The following SCAF4 variants were observed in gnomAD, a reference collection of about 807,000 sequenced individuals.
SCAF4 encodes the protein SR-related and CTD-associated factor 4.
SCAF4 carries 25 observed loss-of-function variants against 129.8 expected under a neutral mutation model. The observed-to-expected ratio is 0.19, with a 90% CI of 0.14 to 0.27. The LOEUF is 0.27. Ranked by LOEUF, SCAF4 falls within the 10% of genes least tolerant of loss-of-function variation. The pLI is 1.00. For synonymous variants in SCAF4, 551 were observed against 497.7 expected, an observed-to-expected ratio of 1.11 and a Z score of -1.43; for missense variants, 1,246 against 1,457.1, an observed-to-expected ratio of 0.86 and a Z score of 2.36.
intron 14 of SCAF4, among the ~76,000 whole-genome samples, chr21:31,691,420 T>C (rs2050256748): frequency 6.6e-6 from 1 of 152,182 alleles, no homozygotes; most frequent in Admixed American, 6.5e-5. Context: ...AATACCCATA[T>C]ACCTATATGT....
Position 31,690,761 on chromosome 21 carries a change from T to G in SCAF4, c.1885+36A>C, listed in dbSNP as rs369611518. 2.5e-6 allele frequency: 4 copies of G among 1,585,808 alleles called. No individual in the cohort carries two copies. In the Admixed American group the frequency reaches 7.0e-5, roughly 28 times the overall value. Reference sequence around the variant, plus strand: ...TTTGTCATATGTACTACCAAGCAAATAAGTGAACTGTAAGAGAAATTAAAT... The same window carrying G: ...TTTGTCATATGTACTACCAAGCAAAGAAGTGAACTGTAAGAGAAATTAAAT... On this transcript the variant is annotated intron_variant, in intron 15 of 19. Coordinates refer to ENST00000286835, the MANE Select transcript of SCAF4 (RefSeq NM_020706.2).
At chr21:31,729,539 A>G (rs2051293818) in intron 1 of SCAF4, among the ~76,000 whole-genome samples, 1 of 152,222 alleles carries the variant, frequency 6.6e-6, no homozygotes, top group South Asian at 2.1e-4. Context: ...TTAAGTGAAG[A>G]TCAGATCTCA....
At chr21:31,676,094 G>C (rs1194420903) in intron 19 of SCAF4, among the ~76,000 whole-genome samples, 3 of 152,174 alleles carry the variant, frequency 2.0e-5, no homozygotes, top group South Asian at 4.1e-4. Flanking sequence ...GTGACCAACT[G>C]CATCAGTTGC....
In SCAF4 at chr21:31,672,159, C is replaced by T. The variant is rs778220884; in HGVS notation, c.2684G>A (p.Gly895Glu). The T allele has an allele frequency of 6.2e-7, 1 of 1,605,068 alleles. No homozygotes were observed. Among genetic ancestry groups the T allele is most frequent in the East Asian group, 2.2e-5 (1 of 44,678 alleles). Residue 895 changes from glycine (G) to glutamate (E), a missense_variant, in exon 20 of 20, where the codon GGG becomes GAG. Transcript: ENST00000286835. ...ATGAGGTGGAGGCATCGCAAAGCCC[C>T]CTGGTCCTGGCGGTGGGCCTCTGTG... ...MMHRGPPPGP[G>E]GFAMPPPHGM...
chr21:31,704,660 T>G (rs1364681926), intron 3 of SCAF4, among the ~76,000 whole-genome samples: 1 of 152,188 alleles, frequency 6.6e-6, no homozygotes, highest in Non-Finnish European at 1.5e-5. Context: ...CAACCAGTAT[T>G]ATGTCCATTT....
At position 31,694,997 on chromosome 21, in the gene SCAF4, A is replaced by G; in HGVS notation, c.1069-17T>C. The stretch of plus-strand genomic sequence containing the variant: ...AAGTGGAACCTTTCATTTTTAAAGA[A>G]AGTGTATGAGTAATAGCTATCAAAA... On this transcript the variant is annotated splice_polypyrimidine_tract_variant and intron_variant, in intron 9 of 19. Coordinates refer to ENST00000286835, the MANE Select transcript of SCAF4 (RefSeq NM_020706.2). 6.2e-7 allele frequency: 1 copy of G among 1,608,354 alleles called. No individual in the cohort carries two copies. The highest frequency in any genetic ancestry group is 8.5e-7 in the Non-Finnish European group (1 of 1,175,562).
rs2050104927 is a variant in SCAF4 at position 31,685,714 on chromosome 21, C to G, written c.2063G>C (p.Gly688Ala). Reference sequence around the variant, plus strand: ...CTGGAGAGCACCAACTACAGGTGGACCCGGTTGATGTGGTGGGACCTAGAA... The same window carrying G: ...CTGGAGAGCACCAACTACAGGTGGAGCCGGTTGATGTGGTGGGACCTAGAA... Reference protein sequence around the residue: ...PPPQVPPHQPGPPVVGALQPP... With the variant: ...PPPQVPPHQPAPPVVGALQPP... Residue 688 changes from glycine (G) to alanine (A), a missense_variant, in exon 17 of 20, where the codon GGT becomes GCT. Around this residue, in one of 6 missense-constraint regions of SCAF4, gnomAD observed 468 missense variants for 605.5 expected, o/e 0.77. Coordinates refer to ENST00000286835, the MANE Select transcript of SCAF4 (RefSeq NM_020706.2). The G allele has an allele frequency of 1.2e-6, 2 of 1,603,890 alleles. No individual in the cohort carries two copies. Among genetic ancestry groups the G allele is most frequent in the African/African-American group, 1.3e-5 (1 of 74,656 alleles).
At chr21:31,704,905 A>G (rs1162564892) in intron 3 of SCAF4, among the ~76,000 whole-genome samples, 1 of 152,202 alleles carries the variant, frequency 6.6e-6, no homozygotes, top group Non-Finnish European at 1.5e-5. Flanking sequence ...ATAAACACTG[A>G]TTAGTAGGTA....
chr21:31,730,204 GCC>G (rs1197201000), intron 1 of SCAF4, among the ~76,000 whole-genome samples: 3 of 152,176 alleles, frequency 2.0e-5, no homozygotes, highest in African/African-American at 7.2e-5. Flanking sequence ...GAGCCAACAT[GCC>G]AGTGAATTCT....
chr21:31,731,996 CG>C lies in SCAF4; in HGVS notation c.-305del. On this transcript the variant is annotated 5_prime_UTR_variant, in exon 1 of 20. Coordinates refer to ENST00000286835, the MANE Select transcript of SCAF4 (RefSeq NM_020706.2). ...GGCTGCGCTCTGCGTCTCGCTGACA[CG>C]GCCCCCCGCGCCCTCACGCACTGGC... The C allele has an allele frequency of 2.1e-6, 1 of 470,778 alleles. No homozygotes were observed. Among genetic ancestry groups the C allele is most frequent in the Admixed American group, 4.4e-5 (1 of 22,884 alleles). The allele number at this position is 470,778 out of a possible 1,614,324, so 29.2% of individuals were successfully genotyped here.
intron 1 of SCAF4, among the ~76,000 whole-genome samples, chr21:31,722,660 G>A (rs1464277513): frequency 6.6e-6 from 1 of 152,146 alleles, no homozygotes; most frequent in Non-Finnish European, 1.5e-5. Flanking sequence ...GCATTTCAAA[G>A]TCATTACACT....
intron 19 of SCAF4, among the ~76,000 whole-genome samples, chr21:31,679,128 G>A (rs965926531): frequency 2.0e-5 from 3 of 152,142 alleles, no homozygotes; most frequent in African/African-American, 7.2e-5. Flanking sequence ...AAACCTAGGA[G>A]GACTTGAACT....
intron 7 of SCAF4, 149 bp from the exon 8 acceptor site, chr21:31,696,899 G>A: frequency 1.6e-6 from 1 of 619,974 alleles, no homozygotes; most frequent in Non-Finnish European, 2.7e-6. Context: ...CAGGACCTTG[G>A]TTTGTAGATA....
chr21:31,671,298 G>A lies in SCAF4; in HGVS notation c.*101C>T, dbSNP rs540636016. On this transcript the variant is annotated 3_prime_UTR_variant, in exon 20 of 20. Coordinates refer to ENST00000286835, the MANE Select transcript of SCAF4 (RefSeq NM_020706.2). ...CTTACAGTTCCCCACCAGCTGGCGC[G>A]GGGCTGCAGTACAGCGGGAGCGGAT... The A allele has an allele frequency of 1.1e-5, 15 of 1,327,078 alleles. No homozygotes were observed. In the South Asian group the frequency reaches 1.8e-4, roughly 16 times the overall value. The allele number at this position is 1,327,078 out of a possible 1,614,324, so 82.2% of individuals were successfully genotyped here. A position where few individuals can be genotyped will look rare whatever the true frequency, so the allele number is the denominator to read the frequency against.
chr21:31,712,061 A>G (rs2050811244), intron 1 of SCAF4, among the ~76,000 whole-genome samples: 1 of 152,106 alleles, frequency 6.6e-6, no homozygotes, highest in Non-Finnish European at 1.5e-5. Flanking sequence ...TTAGAACTCA[A>G]TTTTACCTTA....
chr21:31,726,292 G>T (rs545133061), intron 1 of SCAF4, among the ~76,000 whole-genome samples: 1 of 152,086 alleles, frequency 6.6e-6, no homozygotes, highest in Non-Finnish European at 1.5e-5. Context: ...TCATCTGCCC[G>T]CCTCGGCCTC....
At chr21:31,699,502 GTTTTTT>G (rs202121304) in intron 7 of SCAF4, among the ~76,000 whole-genome samples, 1 of 133,948 alleles carries the variant, frequency 7.5e-6, no homozygotes, top group African/African-American at 2.9e-5. Flanking sequence ...TGTATTATTT[GTTTTTT>G]TTTTTTTCTG....
chr21:31,711,710 A>T (rs987768211), intron 1 of SCAF4, among the ~76,000 whole-genome samples: 5 of 152,210 alleles, frequency 3.3e-5, no homozygotes, highest in Non-Finnish European at 5.9e-5. Flanking sequence ...AAAGATAAAA[A>T]GGACTGTACA....
rs140202132 is a variant in SCAF4 at position 31,671,812 on chromosome 21, T to C, written c.3031A>G (p.Asn1011Asp). 2 of 1,614,188 alleles carry C rather than the reference T, an allele frequency of 1.2e-6. No individual in the cohort carries two copies. The highest frequency in any genetic ancestry group is 1.3e-5 in the African/African-American group (1 of 75,060). Reference sequence around the variant, plus strand: ...CGGTTCCCATACCGTTCCCGGTCATTTTCCACCCTATTTCCAAAAGATCTT... The same window carrying C: ...CGGTTCCCATACCGTTCCCGGTCATCTTCCACCCTATTTCCAAAAGATCTT... Reference protein sequence around the residue: ...GRRSFGNRVENDRERYGNRND... With the variant: ...GRRSFGNRVEDDRERYGNRND... Residue 1011 changes from asparagine (N) to aspartate (D), a missense_variant, in exon 20 of 20, where the codon AAT (asparagine) becomes GAT (aspartate). Asn to Asp is a conservative substitution (Grantham distance 23, BLOSUM62 1). Transcript: ENST00000286835.
Sources: allele counts gnomAD v4.1 joint callset (sites outside exome capture counted in the v4.1 genomes callset), GRCh38; gene constraint gnomAD v4.1.1; regional missense constraint gnomAD v4.1.1; transcripts MANE v1.5; gene names NCBI Gene and HGNC (gene_info 2026-07-23, HGNC 2026-07-21).